Variants in GRM1 observed in about 807,000 individuals in gnomAD.
The protein encoded by GRM1 is glutamate metabotropic receptor 1.
GRM1 carries 33 observed loss-of-function variants against 90.9 expected under a neutral mutation model. That is an observed-to-expected ratio of 0.36 (90% confidence interval 0.28 to 0.49). GRM1 has a LOEUF of 0.49. Among genes scored for constraint, GRM1 ranks in the 20% least tolerant of loss-of-function variants. GRM1 has a pLI of 0.99. For synonymous variants in GRM1, 700 were observed against 613.2 expected (o/e 1.14, Z -2.09); for missense variants, 1,190 against 1,534.3 (o/e 0.78, Z 3.75).
chr6:146,138,218 C>T (rs1345121519), intron 1 of GRM1, among the ~76,000 whole-genome samples: 1 of 152,010 alleles, frequency 6.6e-6, no homozygotes, highest in Non-Finnish European at 1.5e-5. Context: ...TGCAAGTGGG[C>T]ATCCGTGTTG....
At position 146,156,808 on chromosome 6, in the gene GRM1, G is replaced by T. The variant is rs139834434; in HGVS notation, c.701-2540G>T. ...AATGTTCTAGAGATAAGGGCTACAG[G>T]AATGGTCCTGGAATGTGAGAAAAAG... On this transcript the variant is annotated intron_variant, in intron 1 of 7. Coordinates refer to ENST00000282753, the MANE Select transcript of GRM1 (RefSeq NM_001278064.2). Among the ~76,000 whole-genome samples the T allele has an allele frequency of 5.4e-3, 817 of 152,304 alleles. 6 individuals are homozygous for T. Among genetic ancestry groups the T allele is most frequent in the African/African-American group, 0.019 (784 of 41,582 alleles).
At chr6:146,116,395 T>C (rs1450147627) in intron 1 of GRM1, among the ~76,000 whole-genome samples, 1 of 152,218 alleles carries the variant, frequency 6.6e-6, no homozygotes, top group Non-Finnish European at 1.5e-5. Flanking sequence ...GTTACAACAC[T>C]GAATCATATT....
intron 3 of GRM1, among the ~76,000 whole-genome samples, chr6:146,346,255 A>G (rs142309960): frequency 7.9e-5 from 12 of 152,368 alleles, no homozygotes; most frequent in African/African-American, 2.2e-4. Flanking sequence ...TGTTTTAACA[A>G]TAGATTGGAA....
intron 2 of GRM1, among the ~76,000 whole-genome samples, chr6:146,284,047 A>G (rs1029836203): frequency 6.6e-6 from 1 of 152,202 alleles, no homozygotes; most frequent in African/African-American, 2.4e-5. Flanking sequence ...TCTTATGGAA[A>G]TGGGCTTGGG....
intron 1 of GRM1, among the ~76,000 whole-genome samples, chr6:146,127,304 C>T (rs1776233016): frequency 6.6e-6 from 1 of 152,056 alleles, no homozygotes; most frequent in Non-Finnish European, 1.5e-5. Context: ...CAGGTGATGG[C>T]CTCATCAGTG....
At chr6:146,298,802 G>C (rs1261607943) in intron 2 of GRM1, among the ~76,000 whole-genome samples, 1 of 152,108 alleles carries the variant, frequency 6.6e-6, no homozygotes, top group South Asian at 2.1e-4. Flanking sequence ...ATTAATCTAG[G>C]TTATCAAAAT....
At chr6:146,357,732 G>A (rs750766383) in intron 5 of GRM1, 38 bp downstream of exon 5, 2 of 1,543,762 alleles carry the variant, frequency 1.3e-6, no homozygotes, top group Non-Finnish European at 1.8e-6. Context: ...TATCTGTGAG[G>A]AGGTTGGCTG....
chr6:146,035,821 T>C (rs939595659), intron 1 of GRM1, among the ~76,000 whole-genome samples: 1 of 151,996 alleles, frequency 6.6e-6, no homozygotes, highest in South Asian at 2.1e-4. Flanking sequence ...TAAACTCATT[T>C]TTAAAGTCAT....
In GRM1 at chr6:146,398,966, G is replaced by A. The variant is rs1462465054; in HGVS notation, c.1927G>A (p.Val643Met). 9 of 1,614,004 alleles carry A rather than the reference G, an allele frequency of 5.6e-6. No homozygotes were observed. The highest frequency in any genetic ancestry group is 7.6e-6 in the Non-Finnish European group (9 of 1,180,022). The change falls in exon 7 of 8, where the codon GTG (valine) becomes ATG (methionine). Residue 643 changes from valine to methionine, a missense_variant. Physicochemically the swap from Val to Met is conservative, Grantham distance 21 (BLOSUM62 1). Coordinates refer to ENST00000282753, the MANE Select transcript of GRM1 (RefSeq NM_001278064.2). ...CCTAGCTGGCATCTTCCTTGGTTAT[G>A]TGTGCCCATTCACTCTCATTGCCAA... ...IILAGIFLGYVCPFTLIAKPT... is the reference protein window; with the variant it reads ...IILAGIFLGYMCPFTLIAKPT...
Position 146,163,849 on chromosome 6 carries a change from T to A in GRM1, c.950+4252T>A, listed in dbSNP as rs1008316648. 2.0e-5 allele frequency among the ~76,000 whole-genome samples: 3 copies of A among 152,208 alleles called. No individual in the cohort carries two copies. In the East Asian group the frequency reaches 5.8e-4, roughly 29 times the overall value. On this transcript the variant is annotated intron_variant, in intron 2 of 7. Transcript: ENST00000282753. Reference sequence around the variant, plus strand: ...CATTCTTTTATTTCATGCTTAGTTTTAAATATTTCCTATGATAATTCATTA... The same window carrying A: ...CATTCTTTTATTTCATGCTTAGTTTAAAATATTTCCTATGATAATTCATTA...
rs1180220556 is a variant in GRM1, at chr6:146,434,695, C to T, written c.3484C>T (p.Pro1162Ser). 1 of 1,604,646 alleles carries T rather than the reference C, an allele frequency of 6.2e-7. No individual in the cohort carries two copies. Among genetic ancestry groups the T allele is most frequent in the Admixed American group, 1.7e-5 (1 of 60,030 alleles). The change falls in exon 8 of 8, where the codon CCC becomes TCC. Residue 1162 changes from proline to serine, a missense_variant. Pro to Ser is a moderately conservative substitution (Grantham distance 74). This residue lies in a region of GRM1 where 48 missense variants were observed against 48.5 expected (regional missense o/e 0.99). Coordinates refer to ENST00000282753, the MANE Select transcript of GRM1 (RefSeq NM_001278064.2). ...RDSVASGSSV[P>S]SSPVSESVLC... ...CTCGGTGGCCTCGGGCAGCTCGGTG[C>T]CCAGCTCCCCCGTGTCCGAGTCGGT...
intron 1 of GRM1, among the ~76,000 whole-genome samples, chr6:146,128,896 C>G (rs918498035): frequency 1.3e-5 from 2 of 152,122 alleles, no homozygotes; most frequent in African/African-American, 4.8e-5. Flanking sequence ...ATTATGAAAT[C>G]AGAGAATGTT....
intron 2 of GRM1, among the ~76,000 whole-genome samples, chr6:146,169,320 T>C (rs1197947899): frequency 1.3e-5 from 2 of 152,196 alleles, no homozygotes; most frequent in African/African-American, 4.8e-5. Flanking sequence ...GTCATTCTTC[T>C]GGGATATATA....
intron 3 of GRM1, among the ~76,000 whole-genome samples, chr6:146,306,179 A>C (rs901194002): frequency 2.6e-5 from 4 of 152,190 alleles, no homozygotes; most frequent in Non-Finnish European, 5.9e-5. Context: ...GGCGAAAGGC[A>C]GGAGAAAGGG....
intron 1 of GRM1, among the ~76,000 whole-genome samples, chr6:146,124,094 C>T (rs993517541): frequency 3.3e-5 from 5 of 152,088 alleles, no homozygotes; most frequent in East Asian, 1.9e-4. Flanking sequence ...TGTTTGTACA[C>T]GTATTTCTAT....
chr6:146,318,765 CT>C (rs1244047741), intron 3 of GRM1, among the ~76,000 whole-genome samples: 7 of 152,116 alleles, frequency 4.6e-5, no homozygotes, highest in Admixed American at 1.3e-4. Flanking sequence ...TGATGATGAG[CT>C]TTTTTTCATG....
intron 1 of GRM1, among the ~76,000 whole-genome samples, chr6:146,151,004 A>T (rs1167901035): frequency 6.6e-6 from 1 of 152,030 alleles, no homozygotes; most frequent in African/African-American, 2.4e-5. Context: ...GTGAAATTAT[A>T]CTTCAAATAT....
At chr6:146,425,686 A>G (rs1778176600) in intron 7 of GRM1, among the ~76,000 whole-genome samples, 1 of 152,168 alleles carries the variant, frequency 6.6e-6, no homozygotes, top group Admixed American at 6.5e-5. Flanking sequence ...CACCTGTAGC[A>G]TGTGCTGATA....
chr6:146,216,407 C>T (rs1457140950), intron 2 of GRM1, among the ~76,000 whole-genome samples: 1 of 152,024 alleles, frequency 6.6e-6, no homozygotes, highest in African/African-American at 2.4e-5. Context: ...ACATAGTAGA[C>T]TTCTGCTTTG....
Sources: gnomAD v4.1 joint callset for allele counts (sites outside exome capture counted in the v4.1 genomes callset) on GRCh38, gnomAD v4.1.1 for gene constraint, gnomAD v4.1.1 regional missense constraint, MANE v1.5 for transcripts, NCBI Gene and HGNC (gene_info 2026-07-23, HGNC 2026-07-21) for gene names.